ATP2C2: variants seen among roughly 807,000 people sequenced by gnomAD.
ATP2C2 encodes the protein ATPase secretory pathway Ca2+ transporting 2.
A neutral mutation model predicts 110.8 loss-of-function variants in ATP2C2; 171 were observed. The observed-to-expected ratio is 1.54, with a 90% CI of 1.36 to 1.75. The LOEUF (loss-of-function observed/expected upper bound fraction) is 1.75, where lower values mean the gene tolerates loss of function less well. ATP2C2 is among the 40% of genes most tolerant of loss of function. The pLI is 0.00. For missense variants in ATP2C2, 1,963 were observed against 1,235.0 expected, an observed-to-expected ratio of 1.59 and a Z score of -8.84; for synonymous variants, 804 against 508.4, an observed-to-expected ratio of 1.58 and a Z score of -7.82.
chr16:84,415,864 TAAACCA>T (rs1462008953), intron 7 of ATP2C2, among the ~76,000 whole-genome samples: 1 of 152,162 alleles, frequency 6.6e-6, no homozygotes, highest in Non-Finnish European at 1.5e-5. Flanking sequence ...AATAACAAAT[TAAACCA>T]AGGTGGGCTT....
At chr16:84,461,503 C>T in intron 24 of ATP2C2, 1 of 618,558 alleles carries the variant, frequency 1.6e-6, no homozygotes, top group Non-Finnish European at 2.9e-6. Context: ...TGCCCCCATC[C>T]TCATGGTGGC....
intron 6 of ATP2C2, among the ~76,000 whole-genome samples, chr16:84,412,920 A>G (rs35571415): frequency 0.069 from 10,248 of 147,704 alleles, 455 homozygotes; most frequent in East Asian, 0.17. Flanking sequence ...ACATGGTGAA[A>G]CTCTGTCTCT....
chr16:84,414,484 G>A (rs13335443), intron 6 of ATP2C2, among the ~76,000 whole-genome samples: 65,073 of 151,902 alleles, frequency 0.43, 14,933 homozygotes, highest in Non-Finnish European at 0.53. Flanking sequence ...GTGCGTGCAC[G>A]CGCGTGTACA....
intron 1 of ATP2C2, among the ~76,000 whole-genome samples, chr16:84,371,256 C>A (rs554500227): frequency 1.3e-3 from 196 of 152,312 alleles, no homozygotes; most frequent in Non-Finnish European, 2.3e-3. Context: ...GTGGCTCATG[C>A]CTGTCATCCC....
intron 11 of ATP2C2, among the ~76,000 whole-genome samples, chr16:84,436,306 G>T (rs1908731133): frequency 6.6e-6 from 1 of 152,226 alleles, no homozygotes; most frequent in Admixed American, 6.5e-5. Context: ...GCATTGCTGT[G>T]GTCCCTGGTG....
intron 1 of ATP2C2, among the ~76,000 whole-genome samples, chr16:84,389,481 C>T (rs763507940): frequency 6.6e-6 from 1 of 152,204 alleles, no homozygotes; most frequent in Non-Finnish European, 1.5e-5. Flanking sequence ...AATAAGTGCA[C>T]GCTTGTCCCA....
At chr16:84,462,236 G>T in intron 26 of ATP2C2, 107 bp downstream of exon 26, 1 of 1,425,972 alleles carries the variant, frequency 7.0e-7, no homozygotes, top group Non-Finnish European at 9.5e-7. Context: ...CGGGAAAGCA[G>T]AGCTCACCAG....
intron 11 of ATP2C2, among the ~76,000 whole-genome samples, chr16:84,430,485 AC>A (rs1908172671): frequency 6.6e-6 from 1 of 152,112 alleles, no homozygotes. Flanking sequence ...TACTAAAAAT[AC>A]AAAAATCAGC....
In ATP2C2 at chr16:84,459,196, G is replaced by A. The variant is rs752431867; in HGVS notation, c.2216+8G>A. ...CCGATTCCAGCTGAGCACGTAAGTA[G>A]AGGCCAGCATTCCGAGTGTCATTAA... On this transcript the variant is annotated splice_region_variant and intron_variant, in intron 22 of 26. Transcript: ENST00000262429. The A allele has an allele frequency of 2.5e-6, 4 of 1,614,236 alleles. No homozygotes were observed. Among genetic ancestry groups the A allele is most frequent in the East Asian group, 2.2e-5 (1 of 44,890 alleles).
At chr16:84,413,258 G>T (rs1265087363) in intron 6 of ATP2C2, among the ~76,000 whole-genome samples, 2 of 152,110 alleles carry the variant, frequency 1.3e-5, no homozygotes, top group Non-Finnish European at 2.9e-5. Flanking sequence ...ATATATCCCA[G>T]GCACATGTTG....
intron 23 of ATP2C2, chr16:84,459,774 A>C (rs1397646373): frequency 5.2e-6 from 3 of 574,082 alleles, no homozygotes; most frequent in Non-Finnish European, 9.3e-6. Context: ...ACACACAGAC[A>C]CACTTTTCCT....
At chr16:84,449,330 G>A (rs895116681) in intron 17 of ATP2C2, among the ~76,000 whole-genome samples, 2 of 152,226 alleles carry the variant, frequency 1.3e-5, no homozygotes, top group African/African-American at 4.8e-5. Context: ...AGACCCTTGC[G>A]GCTTTCTGGG....
At chr16:84,401,578 A>G (rs1905324435) in intron 2 of ATP2C2, among the ~76,000 whole-genome samples, 1 of 152,140 alleles carries the variant, frequency 6.6e-6, no homozygotes, top group African/African-American at 2.4e-5. Context: ...ACCATTTATT[A>G]AAGAGATTGC....
rs1004242546 is a variant in ATP2C2 at position 84,416,626 on chromosome 16, G to T, written c.624+1035G>T. Among the ~76,000 whole-genome samples the T allele has an allele frequency of 3.1e-4, 47 of 152,196 alleles. 1 individual carries two copies. Among genetic ancestry groups the T allele is most frequent in the African/African-American group, 1.1e-3 (47 of 41,452 alleles). On this transcript the variant is annotated intron_variant, in intron 7 of 26. Transcript: ENST00000262429. Reference sequence around the variant, plus strand: ...GGCCACTCGGACATTGATCCTCTCTGCCGTGACCTTCAGATTTCCAGGCAG... The same window carrying T: ...GGCCACTCGGACATTGATCCTCTCTTCCGTGACCTTCAGATTTCCAGGCAG...
chr16:84,453,890 C>T (rs1398296714), intron 20 of ATP2C2, among the ~76,000 whole-genome samples: 2 of 152,016 alleles, frequency 1.3e-5, no homozygotes, highest in African/African-American at 4.8e-5. Flanking sequence ...ACCTAGGCTG[C>T]AGTGCAGTGG....
At chr16:84,443,030 GC>G (rs1909414577) in intron 15 of ATP2C2, among the ~76,000 whole-genome samples, 1 of 152,136 alleles carries the variant, frequency 6.6e-6, no homozygotes, top group Non-Finnish European at 1.5e-5. Flanking sequence ...GTGCAGGGTT[GC>G]CCCAGGCCAT....
chr16:84,439,394 T>TTC lies in ATP2C2; in HGVS notation c.1112-29_1112-28dup, dbSNP rs769900943. 6.4e-6 allele frequency: 10 copies of TTC among 1,564,468 alleles called. No homozygotes were observed. In the African/African-American group the frequency reaches 1.6e-4, roughly 25 times the overall value. On this transcript the variant is annotated intron_variant, in intron 12 of 26. Coordinates refer to ENST00000262429, the MANE Select transcript of ATP2C2 (RefSeq NM_014861.4). ...GTTTCACAAGCCTGAGGATGGCAAC[T>TTC]TCTCTTCTATAAACTGGTGTTTGTT...
intron 1 of ATP2C2, among the ~76,000 whole-genome samples, chr16:84,386,065 A>G (rs1904316739): frequency 6.6e-6 from 1 of 152,126 alleles, no homozygotes; most frequent in South Asian, 2.1e-4. Flanking sequence ...TCCTTTGAGC[A>G]CTTCCCTTTC....
intron 7 of ATP2C2, among the ~76,000 whole-genome samples, chr16:84,419,283 T>C (rs1354765443): frequency 6.9e-6 from 1 of 145,906 alleles, no homozygotes; most frequent in African/African-American, 2.6e-5. Context: ...GGGGAGAAGC[T>C]GTTTCCTGGC....
Sources: gnomAD v4.1 joint callset for allele counts (sites outside exome capture counted in the v4.1 genomes callset) on GRCh38, gnomAD v4.1.1 for gene constraint, MANE v1.5 for transcripts, NCBI Gene and HGNC (gene_info 2026-07-23, HGNC 2026-07-21) for gene names.